The following AUTS2 variants were observed in gnomAD, a reference collection of about 807,000 sequenced individuals.
AUTS2 encodes the protein activator of transcription and developmental regulator AUTS2.
A neutral mutation model predicts 112.4 loss-of-function variants in AUTS2; 17 were observed. The observed-to-expected ratio is 0.15, with a 90% CI of 0.10 to 0.23. AUTS2 has a LOEUF of 0.23. Ranked by LOEUF, AUTS2 falls within the 10% of genes least tolerant of loss-of-function variation. The pLI, the probability that AUTS2 is intolerant of heterozygous loss-of-function variation, is 1.00. For missense variants in AUTS2, 1,510 were observed against 1,701.6 expected, an observed-to-expected ratio of 0.89 and a Z score of 1.98; for synonymous variants, 751 against 702.7, an observed-to-expected ratio of 1.07 and a Z score of -1.09.
intron 1 of AUTS2, among the ~76,000 whole-genome samples, chr7:69,828,805 G>A (rs570204417): frequency 6.6e-6 from 1 of 152,202 alleles, no homozygotes; most frequent in South Asian, 2.1e-4. Context: ...ATGAAAAACA[G>A]CCATTTAAAA....
At chr7:70,778,383 T>C (rs890066399) in intron 14 of AUTS2, among the ~76,000 whole-genome samples, 3 of 152,136 alleles carry the variant, frequency 2.0e-5, no homozygotes, top group African/African-American at 7.2e-5. Flanking sequence ...ATGAAAGAAA[T>C]ACAGGAGACC....
chr7:70,777,595 T>C (rs764341200), intron 14 of AUTS2, among the ~76,000 whole-genome samples: 2 of 152,198 alleles, frequency 1.3e-5, no homozygotes, highest in Non-Finnish European at 2.9e-5. Context: ...CACCTGAGCC[T>C]CCCAAGTAGC....
intron 6 of AUTS2, among the ~76,000 whole-genome samples, chr7:70,708,060 G>C (rs1185886922): frequency 6.6e-6 from 1 of 152,174 alleles, no homozygotes; most frequent in Non-Finnish European, 1.5e-5. Flanking sequence ...CCCGTTAATA[G>C]ACTGATGTGG....
chr7:69,855,536 C>A (rs981866656), intron 1 of AUTS2, among the ~76,000 whole-genome samples: 1 of 152,080 alleles, frequency 6.6e-6, no homozygotes, highest in Non-Finnish European at 1.5e-5. Flanking sequence ...TCATACTTAC[C>A]CAATATTCTT....
chr7:70,753,909 C>T (rs778257463), intron 6 of AUTS2, among the ~76,000 whole-genome samples: 3 of 152,158 alleles, frequency 2.0e-5, no homozygotes, highest in Non-Finnish European at 2.9e-5. Context: ...GTAATCCCCG[C>T]ACTTTGGGAG....
rs3215360 is a variant in AUTS2, at chr7:70,775,581, C to CT, written c.1932+206dup. On this transcript the variant is annotated intron_variant, in intron 13 of 18. Transcript: ENST00000342771. ...TGCTTTGACCGTTGGAGGCCATTGG[C>CT]TTTTTTTTTTTATCTCTACAACAGA... Among the ~76,000 whole-genome samples, 27,756 of 147,546 alleles carry CT rather than the reference C, an allele frequency of 0.19. 2,864 individuals carry two copies. Among genetic ancestry groups the CT allele is most frequent in the East Asian group, 0.39 (1,971 of 5,070 alleles).
At chr7:70,222,404 G>C (rs1357458912) in intron 4 of AUTS2, among the ~76,000 whole-genome samples, 1 of 152,042 alleles carries the variant, frequency 6.6e-6, no homozygotes, top group Non-Finnish European at 1.5e-5. Flanking sequence ...AAGTTCAATA[G>C]GAACATGCAA....
chr7:70,725,451 G>A (rs778013446), intron 6 of AUTS2, among the ~76,000 whole-genome samples: 2 of 152,180 alleles, frequency 1.3e-5, no homozygotes, highest in African/African-American at 2.4e-5. Context: ...TTGTAAGAAT[G>A]AATGAAATTT....
chr7:69,814,823 C>T (rs891561406), intron 1 of AUTS2, among the ~76,000 whole-genome samples: 1 of 152,206 alleles, frequency 6.6e-6, no homozygotes, highest in African/African-American at 2.4e-5. Context: ...CCTCTTTATG[C>T]TGCAGGGTTT....
chr7:69,882,998 A>G (rs1179929658), intron 1 of AUTS2, among the ~76,000 whole-genome samples: 2 of 152,192 alleles, frequency 1.3e-5, no homozygotes, highest in Non-Finnish European at 2.9e-5. Flanking sequence ...TATCCCAAGC[A>G]CTTTCCACAA....
chr7:70,549,584 T>TG (rs765396455), intron 5 of AUTS2, among the ~76,000 whole-genome samples: 106 of 152,308 alleles, frequency 7.0e-4, no homozygotes, highest in Admixed American at 1.6e-3. Flanking sequence ...CCCAAAGCTT[T>TG]GGGGCACCAA....
chr7:69,684,305 A>G (rs1185520254), intron 1 of AUTS2, among the ~76,000 whole-genome samples: 1 of 152,122 alleles, frequency 6.6e-6, no homozygotes, highest in Non-Finnish European at 1.5e-5. Flanking sequence ...GACAGGGTCA[A>G]GGTTTTCTCT....
intron 2 of AUTS2, among the ~76,000 whole-genome samples, chr7:69,915,372 A>G (rs1182266381): frequency 6.6e-6 from 1 of 152,232 alleles, no homozygotes; most frequent in Non-Finnish European, 1.5e-5. Context: ...TTTTAAAAAT[A>G]AAGGCTTAAA....
At chr7:69,602,143 G>T (rs1237397190) in intron 1 of AUTS2, among the ~76,000 whole-genome samples, 1 of 150,026 alleles carries the variant, frequency 6.7e-6, no homozygotes, top group Non-Finnish European at 1.5e-5. Context: ...TAACAAATAG[G>T]TATTTGACTG....
intron 1 of AUTS2, among the ~76,000 whole-genome samples, chr7:69,789,759 G>T (rs540535308): frequency 6.6e-6 from 1 of 152,170 alleles, no homozygotes; most frequent in Non-Finnish European, 1.5e-5. Context: ...GCCATGGATA[G>T]ACTGTTGTCT....
chr7:70,713,874 C>T (rs549589690), intron 6 of AUTS2, among the ~76,000 whole-genome samples: 41 of 147,086 alleles, frequency 2.8e-4, no homozygotes, highest in Admixed American at 8.3e-4. Flanking sequence ...CCAGCCTGGG[C>T]GACAGAACAA....
intron 1 of AUTS2, among the ~76,000 whole-genome samples, chr7:69,735,800 A>G (rs1787004458): frequency 6.6e-6 from 1 of 152,240 alleles, no homozygotes; most frequent in African/African-American, 2.4e-5. Flanking sequence ...GTAGACAGCC[A>G]GTGCAGGGGA....
chr7:70,790,590 G>GCCACCA lies in AUTS2; in HGVS notation c.3395_3400dup (p.His1132_His1133dup), dbSNP rs538005366. The stretch of plus-strand genomic sequence containing the variant: ...AGGGACCGGGAGCCTCACGACTACA[G>GCCACCA]CCACCACCACCACCACCACCACCAC... On this transcript the variant is annotated inframe_insertion, in exon 19 of 19. Transcript: ENST00000342771. The surrounding 1 kb of genome is among the most constrained non-coding windows in gnomAD (Gnocchi z 7.6). The GCCACCA allele has an allele frequency of 5.2e-3, 8,262 of 1,600,798 alleles. 187 individuals carry two copies. In the East Asian group the frequency reaches 0.068, roughly 13 times the overall value.
At chr7:69,853,304 A>G (rs550793408) in intron 1 of AUTS2, among the ~76,000 whole-genome samples, 1 of 150,440 alleles carries the variant, frequency 6.6e-6, no homozygotes, top group African/African-American at 2.4e-5. Context: ...ACACTTTACA[A>G]CTCCATTTTT....
Sources: gnomAD v4.1 joint callset for allele counts (sites outside exome capture counted in the v4.1 genomes callset) on GRCh38, gnomAD v4.1.1 for gene constraint, Gnocchi (gnomAD v3.1) non-coding constraint, MANE v1.5 for transcripts, NCBI Gene and HGNC (gene_info 2026-07-23, HGNC 2026-07-21) for gene names.